Variants in SLC24A2 observed in about 807,000 individuals in gnomAD.
The protein encoded by SLC24A2 is solute carrier family 24 member 2, also known as sodium/potassium/calcium exchanger 2.
In SLC24A2, 36 loss-of-function variants were observed where a neutral mutation model predicts 62.0. The observed-to-expected ratio is 0.58, with a 90% CI of 0.44 to 0.77. The LOEUF is 0.77. Among genes scored for constraint, SLC24A2 ranks in the 30% least tolerant of loss-of-function variants. The pLI, the probability that SLC24A2 is intolerant of heterozygous loss-of-function variation, is 0.00. For missense variants in SLC24A2, 846 were observed against 817.9 expected (o/e 1.03, Z -0.42); for synonymous variants, 358 against 294.0 (o/e 1.22, Z -2.23).
the SLC24A2 span, among the ~76,000 whole-genome samples, chr9:20,224,026 G>T: frequency 3.3e-5 from 5 of 151,962 alleles, no homozygotes; most frequent in African/African-American, 9.7e-5. Flanking sequence ...TAAACCATCA[G>T]ATCTCATGAG....
At chr9:20,129,715 T>C in the SLC24A2 span, among the ~76,000 whole-genome samples, 1 of 151,982 alleles carries the variant, frequency 6.6e-6, no homozygotes, top group African/African-American at 2.4e-5. Flanking sequence ...ACATGAAATA[T>C]CCAAAATAGG....
At chr9:20,200,550 A>C in the SLC24A2 span, among the ~76,000 whole-genome samples, 266 of 152,386 alleles carry the variant, frequency 1.7e-3, 3 homozygotes, top group East Asian at 0.043. Context: ...GAGGGAAAGT[A>C]GAAATAGAGA....
chr9:19,710,858 A>G (rs1255008560), intron 2 of SLC24A2, among the ~76,000 whole-genome samples: 2 of 152,190 alleles, frequency 1.3e-5, no homozygotes, highest in African/African-American at 4.8e-5. Flanking sequence ...ACAGGGACAA[A>G]TGATCCTACC....
chr9:20,256,235 T>C, the SLC24A2 span, among the ~76,000 whole-genome samples: 10 of 152,174 alleles, frequency 6.6e-5, no homozygotes, highest in African/African-American at 2.4e-4. Context: ...TAAACCATAG[T>C]ATTTGCTAGG....
At chr9:20,084,707 A>G in the SLC24A2 span, among the ~76,000 whole-genome samples, 1 of 151,902 alleles carries the variant, frequency 6.6e-6, no homozygotes, top group Non-Finnish European at 1.5e-5. Flanking sequence ...CAGGCTCATT[A>G]TTTCTATGCA....
chr9:20,047,259 C>G, the SLC24A2 span, among the ~76,000 whole-genome samples: 7 of 152,218 alleles, frequency 4.6e-5, no homozygotes, highest in Admixed American at 3.9e-4. Context: ...CTGCCACTTT[C>G]TAGCTATGCA....
At chr9:19,617,388 T>C (rs774057400) in intron 4 of SLC24A2, among the ~76,000 whole-genome samples, 12 of 152,208 alleles carry the variant, frequency 7.9e-5, no homozygotes, top group Non-Finnish European at 1.2e-4. Flanking sequence ...AACTGCCATC[T>C]AACATGTTTG....
the SLC24A2 span, among the ~76,000 whole-genome samples, chr9:20,271,303 CTGTA>C: frequency 6.6e-6 from 1 of 152,228 alleles, no homozygotes; most frequent in Non-Finnish European, 1.5e-5. Context: ...GCATGTCTGA[CTGTA>C]GATGTCACCA....
chr9:19,833,635 G>C, the SLC24A2 span, among the ~76,000 whole-genome samples: 1 of 152,218 alleles, frequency 6.6e-6, no homozygotes, highest in Non-Finnish European at 1.5e-5. Context: ...GCCTCTGTAG[G>C]CTCCACCTCT....
At chr9:20,232,258 T>A in the SLC24A2 span, among the ~76,000 whole-genome samples, 1 of 152,140 alleles carries the variant, frequency 6.6e-6, no homozygotes, top group Non-Finnish European at 1.5e-5. Context: ...ATAAAATGAG[T>A]TAGGGAGGAT....
At chr9:20,090,098 G>C in the SLC24A2 span, among the ~76,000 whole-genome samples, 1 of 152,042 alleles carries the variant, frequency 6.6e-6, no homozygotes, top group African/African-American at 2.4e-5. Flanking sequence ...AGCAGCAGCT[G>C]ACCCAAGGAG....
the SLC24A2 span, among the ~76,000 whole-genome samples, chr9:19,854,405 T>C: frequency 1.3e-5 from 2 of 152,200 alleles, no homozygotes; most frequent in African/African-American, 4.8e-5. Context: ...ATTTGAGATC[T>C]TTCTGGCTTT....
chr9:19,919,484 G>GA, the SLC24A2 span, among the ~76,000 whole-genome samples: 1 of 151,896 alleles, frequency 6.6e-6, no homozygotes, highest in East Asian at 1.9e-4. Flanking sequence ...TGTGGCAAAA[G>GA]AAAAAATATC....
At chr9:20,140,107 C>A in the SLC24A2 span, among the ~76,000 whole-genome samples, 1 of 152,186 alleles carries the variant, frequency 6.6e-6, no homozygotes, top group Admixed American at 6.5e-5. Flanking sequence ...TGCATTGATT[C>A]TAAAACTGAC....
chr9:19,851,021 A>T, the SLC24A2 span, among the ~76,000 whole-genome samples: 697 of 62,842 alleles, frequency 0.011, 35 homozygotes, highest in Non-Finnish European at 0.019. Flanking sequence ...ATATATATAT[A>T]TACATATTTT....
chr9:19,786,657 G>T lies in SLC24A2; in HGVS notation c.210C>A (p.Ala70=). The change falls in exon 2 of 11, where the codon GCC becomes GCA. Residue 70 remains alanine, a synonymous_variant. Coordinates refer to ENST00000341998, the MANE Select transcript of SLC24A2 (RefSeq NM_020344.4). This position sits in a 1 kb window ranked among gnomAD's most constrained non-coding sequence, Gnocchi z 5.0. ...CTACCCTAGGGCCACTTACAACACT[G>T]GCCTCTCCTGTGCTCTGTGTATCTG... ...SETDTQSTGE[A]SVVSGPRVAQ... The T allele has an allele frequency of 6.2e-7, 1 of 1,614,054 alleles. No individual in the cohort carries two copies. The highest frequency in any genetic ancestry group is 1.3e-5 in the African/African-American group (1 of 75,018).
intron 2 of SLC24A2, among the ~76,000 whole-genome samples, chr9:19,653,901 A>G (rs7865492): frequency 0.76 from 116,115 of 152,080 alleles, 44,491 homozygotes; most frequent in East Asian, 0.88. Context: ...ATCTATGCCA[A>G]ACTATGTGTC....
chr9:20,048,720 C>T, the SLC24A2 span, among the ~76,000 whole-genome samples: 6 of 151,650 alleles, frequency 4.0e-5, no homozygotes, highest in Admixed American at 1.3e-4. Flanking sequence ...AAATGGAATT[C>T]CATCAAGTAA....
the SLC24A2 span, among the ~76,000 whole-genome samples, chr9:20,271,838 A>C: frequency 6.6e-6 from 1 of 152,256 alleles, no homozygotes; most frequent in Non-Finnish European, 1.5e-5. Flanking sequence ...TCAACTAAAA[A>C]ATAAAGAAAA....
Sources: allele counts gnomAD v4.1 joint callset (sites outside exome capture counted in the v4.1 genomes callset), GRCh38; gene constraint gnomAD v4.1.1; non-coding constraint Gnocchi (gnomAD v3.1); transcripts MANE v1.5; gene names NCBI Gene and HGNC (gene_info 2026-07-23, HGNC 2026-07-21).